TRAPPC8: variants seen among roughly 807,000 people sequenced by gnomAD.
The protein encoded by TRAPPC8 is general sporulation gene 1 homolog.
Under a neutral mutation model 174.3 loss-of-function variants are expected in TRAPPC8, and 54 were observed. The ratio of observed to expected loss-of-function variants is 0.31; its 90% CI spans 0.25 to 0.39. TRAPPC8 has a LOEUF of 0.39. TRAPPC8 is among the 10% of genes least tolerant of loss of function. The pLI is 1.00. For missense variants in TRAPPC8, 1,531 were observed against 1,699.1 expected, an observed-to-expected ratio of 0.90 and a Z score of 1.74; for synonymous variants, 630 against 579.9, an observed-to-expected ratio of 1.09 and a Z score of -1.24.
chr18:31,873,639 G>C (rs564313434), intron 13 of TRAPPC8, 101 bp from the exon 14 acceptor site: 9 of 751,614 alleles, frequency 1.2e-5, no homozygotes, highest in Non-Finnish European at 1.7e-5. Flanking sequence ...AATATGTTAA[G>C]CAAGAATATT....
At chr18:31,903,121 CGTGT>C (rs3837889) in intron 9 of TRAPPC8, among the ~76,000 whole-genome samples, 34 of 149,092 alleles carry the variant, frequency 2.3e-4, no homozygotes, top group African/African-American at 5.2e-4. Context: ...TGCGTGCGTG[CGTGT>C]GTGTGTGTGT....
chr18:31,880,176 C>G (rs1223041873), intron 12 of TRAPPC8, among the ~76,000 whole-genome samples: 2 of 135,498 alleles, frequency 1.5e-5, no homozygotes, highest in African/African-American at 5.5e-5. Flanking sequence ...ATCCTGATAT[C>G]AAAATCTGGC....
chr18:31,931,803 A>T (rs1339156890), intron 1 of TRAPPC8, among the ~76,000 whole-genome samples: 1 of 152,196 alleles, frequency 6.6e-6, no homozygotes, highest in Non-Finnish European at 1.5e-5. Context: ...GTTGCCAGAA[A>T]CCAACTACTA....
chr18:31,886,857 C>T (rs1410507652), intron 12 of TRAPPC8, among the ~76,000 whole-genome samples: 1 of 151,948 alleles, frequency 6.6e-6, no homozygotes, highest in African/African-American at 2.4e-5. Context: ...GGCACGTACC[C>T]GTAGTCCCAG....
intron 6 of TRAPPC8, 82 bp downstream of exon 6, chr18:31,909,585 T>C (rs1430435544): frequency 6.7e-7 from 1 of 1,496,188 alleles, no homozygotes; most frequent in Non-Finnish European, 8.8e-7. Context: ...TTCCCCCATC[T>C]TTTATCTATA....
chr18:31,915,493 G>A (rs550162970), intron 4 of TRAPPC8, among the ~76,000 whole-genome samples: 29 of 150,526 alleles, frequency 1.9e-4, no homozygotes, highest in African/African-American at 6.6e-4. Flanking sequence ...CAGGCGCAGT[G>A]GCTCCCGCCT....
chr18:31,890,790 CT>C lies in TRAPPC8; in HGVS notation c.1672del (p.Arg558GlufsTer7). ...CAATATCATATGAAATGCATATTTT[CT>C]AACCATGGGACTTTTCATGTTTATA... Reference protein sequence around the residue: ...CFINMKSPMVRKYAFHMILAG... With the variant: ...CFINMKSPMVXKYAFHMILAG... On this transcript the variant is annotated frameshift_variant, in exon 12 of 29. Transcript: ENST00000283351. LOFTEE classifies it high-confidence loss of function. 6.2e-7 allele frequency: 1 copy of C among 1,612,482 alleles called. No homozygotes were observed. The highest frequency in any genetic ancestry group is 8.5e-7 in the Non-Finnish European group (1 of 1,179,072).
At chr18:31,856,378 T>TC (rs1424446634) in intron 20 of TRAPPC8, among the ~76,000 whole-genome samples, 1 of 152,040 alleles carries the variant, frequency 6.6e-6, no homozygotes. Context: ...TTTGGTGATC[T>TC]CCCCCCAAAA....
chr18:31,893,846 A>G (rs930346029), intron 11 of TRAPPC8, among the ~76,000 whole-genome samples: 1 of 145,660 alleles, frequency 6.9e-6, no homozygotes, highest in Admixed American at 6.7e-5. Flanking sequence ...ACACGAAAAA[A>G]TAAAATAAAA....
At chr18:31,906,811 TA>T (rs2036680765) in intron 9 of TRAPPC8, among the ~76,000 whole-genome samples, 1 of 152,216 alleles carries the variant, frequency 6.6e-6, no homozygotes, top group Admixed American at 6.5e-5. Context: ...GTGCATGCTT[TA>T]TACTTTATCT....
At chr18:31,884,701 G>T (rs1598667951) in intron 12 of TRAPPC8, among the ~76,000 whole-genome samples, 1 of 152,078 alleles carries the variant, frequency 6.6e-6, no homozygotes, top group Non-Finnish European at 1.5e-5. Context: ...TCTTTGAGGG[G>T]GTTTTTTAAA....
At chr18:31,855,134 G>A (rs529741555) in intron 21 of TRAPPC8, among the ~76,000 whole-genome samples, 1 of 151,974 alleles carries the variant, frequency 6.6e-6, no homozygotes, top group African/African-American at 2.4e-5. Context: ...CCCAGGAGGT[G>A]GAGGTTACAG....
chr18:31,849,549 A>C lies in TRAPPC8; in HGVS notation c.3735+17T>G, dbSNP rs375394187. On this transcript the variant is annotated intron_variant, in intron 25 of 28. Transcript: ENST00000283351. The stretch of plus-strand genomic sequence containing the variant: ...ATCTATAAGTGAGGCTTGCTGAAAT[A>C]ATTTAGTAGCACATACCTTCCATAA... 82 of 1,562,670 alleles carry C rather than the reference A, an allele frequency of 5.2e-5. No homozygotes were observed. The highest frequency in any genetic ancestry group is 6.8e-5 in the Non-Finnish European group (78 of 1,153,572).
intron 20 of TRAPPC8, among the ~76,000 whole-genome samples, chr18:31,857,229 T>C (rs1314666274): frequency 6.6e-6 from 1 of 152,214 alleles, no homozygotes; most frequent in Non-Finnish European, 1.5e-5. Flanking sequence ...TGACGCCCTA[T>C]TTTAATACAT....
intron 25 of TRAPPC8, 111 bp downstream of exon 25, chr18:31,849,455 A>G (rs2033590298): frequency 1.0e-6 from 1 of 986,320 alleles, no homozygotes; most frequent in African/African-American, 1.7e-5. Flanking sequence ...TTCAATATTG[A>G]AACTAGAAAA....
intron 2 of TRAPPC8, among the ~76,000 whole-genome samples, chr18:31,928,365 ACAG>A (rs1290018959): frequency 6.8e-6 from 1 of 147,504 alleles, no homozygotes. Flanking sequence ...ACACACACAC[ACAG>A]ATTTTAATTA....
At chr18:31,871,399 A>T (rs2145200844) in intron 14 of TRAPPC8, among the ~76,000 whole-genome samples, 1 of 152,206 alleles carries the variant, frequency 6.6e-6, no homozygotes, top group African/African-American at 2.4e-5. Flanking sequence ...CAGAAAAGGC[A>T]TGGAGACTAA....
chr18:31,834,210 A>G (rs2032572567), intron 27 of TRAPPC8, among the ~76,000 whole-genome samples: 1 of 151,684 alleles, frequency 6.6e-6, no homozygotes, highest in Non-Finnish European at 1.5e-5. Context: ...CCCAGGTTCA[A>G]GCTATTCTGC....
At chr18:31,850,016 A>G (rs2033625987) in intron 24 of TRAPPC8, among the ~76,000 whole-genome samples, 1 of 151,740 alleles carries the variant, frequency 6.6e-6, no homozygotes, top group Non-Finnish European at 1.5e-5. Flanking sequence ...GCAGTGGTGC[A>G]ATCTCAGCTC....
Sources: gnomAD v4.1 joint callset for allele counts (sites outside exome capture counted in the v4.1 genomes callset) on GRCh38, gnomAD v4.1.1 for gene constraint, MANE v1.5 for transcripts, NCBI Gene and HGNC (gene_info 2026-07-23, HGNC 2026-07-21) for gene names.